The following FBXL7 variants were observed in gnomAD, a reference collection of about 807,000 sequenced individuals.
The protein encoded by FBXL7 is F-box/LRR-repeat protein 7.
Under a neutral mutation model 38.3 loss-of-function variants are expected in FBXL7, and 12 were observed. The observed-to-expected ratio is 0.31, with a 90% CI of 0.20 to 0.51. FBXL7 has a LOEUF of 0.51. FBXL7 is among the 20% of genes least tolerant of loss of function. The probability of loss-of-function intolerance (pLI) is 0.98; values close to 1 mark genes in which losing one functional copy is unlikely to be tolerated. For synonymous variants in FBXL7, 297 were observed against 300.9 expected (o/e 0.99, Z 0.13); for missense variants, 567 against 676.4 (o/e 0.84, Z 1.79).
Position 15,628,282 on chromosome 5 carries a change from T to C in FBXL7, c.127+12210T>C, listed in dbSNP as rs558626504. 3.3e-5 allele frequency among the ~76,000 whole-genome samples: 5 copies of C among 152,268 alleles called. No homozygotes were observed. In the East Asian group the frequency reaches 9.6e-4, roughly 29 times the overall value. ...GATGTGGGCTATAGAAAACCAGATT[T>C]CTCTGCCCAGAAGAGAGATTCTGAG... On this transcript the variant is annotated intron_variant, in intron 2 of 3. Transcript: ENST00000504595.
chr5:15,796,545 G>T (rs1184605433), intron 2 of FBXL7, among the ~76,000 whole-genome samples: 1 of 152,150 alleles, frequency 6.6e-6, no homozygotes, highest in Non-Finnish European at 1.5e-5. Flanking sequence ...ATCAGTTCCT[G>T]ATCCAAACTT....
At chr5:15,560,436 C>T (rs1041805626) in intron 1 of FBXL7, among the ~76,000 whole-genome samples, 18 of 152,136 alleles carry the variant, frequency 1.2e-4, no homozygotes, top group African/African-American at 4.3e-4. Context: ...AGGAAGCATT[C>T]AGAACTACAA....
chr5:15,819,761 G>A (rs1738121860), intron 2 of FBXL7, among the ~76,000 whole-genome samples: 1 of 152,170 alleles, frequency 6.6e-6, no homozygotes, highest in African/African-American at 2.4e-5. Context: ...GGACACACCT[G>A]TGGCCACCAG....
At chr5:15,851,104 C>G (rs1385901358) in intron 2 of FBXL7, among the ~76,000 whole-genome samples, 1 of 152,166 alleles carries the variant, frequency 6.6e-6, no homozygotes, top group Non-Finnish European at 1.5e-5. Context: ...AGCTATTATA[C>G]ATGTAATCAG....
chr5:15,691,515 G>A (rs1250250265), intron 2 of FBXL7, among the ~76,000 whole-genome samples: 1 of 152,132 alleles, frequency 6.6e-6, no homozygotes, highest in African/African-American at 2.4e-5. Flanking sequence ...TTTCTCTGAT[G>A]GGTTTTCCTG....
chr5:15,651,609 T>A (rs1290730500), intron 2 of FBXL7, among the ~76,000 whole-genome samples: 1 of 152,190 alleles, frequency 6.6e-6, no homozygotes, highest in Non-Finnish European at 1.5e-5. Context: ...GTTAAAATAT[T>A]CAGTAAACTA....
At chr5:15,568,941 T>C (rs1050976263) in intron 1 of FBXL7, among the ~76,000 whole-genome samples, 1 of 152,208 alleles carries the variant, frequency 6.6e-6, no homozygotes, top group Admixed American at 6.5e-5. Flanking sequence ...TCTGTTCCAT[T>C]GGTCTATATC....
In FBXL7 at chr5:15,933,776, C is replaced by T. The variant is rs148159095; in HGVS notation, c.740-2674C>T. On this transcript the variant is annotated intron_variant, in intron 3 of 3. Transcript: ENST00000504595. ...TACCAGGAGGTGGGAGGAAGGTCCT[C>T]GTTAGCACTTTTGTGAGGCTGCTGG... 8.2e-3 allele frequency among the ~76,000 whole-genome samples: 1,253 copies of T among 152,190 alleles called. 18 individuals are homozygous for T. Among genetic ancestry groups the T allele is most frequent in the African/African-American group, 0.026 (1,088 of 41,534 alleles).
At chr5:15,692,076 G>A (rs779454188) in intron 2 of FBXL7, among the ~76,000 whole-genome samples, 3 of 152,130 alleles carry the variant, frequency 2.0e-5, no homozygotes, top group Non-Finnish European at 4.4e-5. Context: ...TGAGAGCCAG[G>A]GCCAGAGAAT....
intron 1 of FBXL7, among the ~76,000 whole-genome samples, chr5:15,522,100 G>A (rs1216313985): frequency 2.0e-5 from 3 of 152,160 alleles, no homozygotes; most frequent in Admixed American, 2.0e-4. Flanking sequence ...CTAAATGAGG[G>A]CTTTTGTGAA....
chr5:15,875,565 C>CA (rs1561167045), intron 2 of FBXL7, among the ~76,000 whole-genome samples: 3 of 151,920 alleles, frequency 2.0e-5, no homozygotes, highest in African/African-American at 4.8e-5. Flanking sequence ...AAGAAAAAAA[C>CA]AAAAAACCCC....
intron 2 of FBXL7, among the ~76,000 whole-genome samples, chr5:15,881,897 G>A (rs567353414): frequency 6.6e-6 from 1 of 152,264 alleles, no homozygotes; most frequent in East Asian, 1.9e-4. Flanking sequence ...TTGGCTCATG[G>A]TTCTTCAGGC....
intron 2 of FBXL7, among the ~76,000 whole-genome samples, chr5:15,913,432 A>T (rs914745121): frequency 6.6e-6 from 1 of 152,150 alleles, no homozygotes; most frequent in Non-Finnish European, 1.5e-5. Context: ...AAAGTGTTCT[A>T]ATTACTTATT....
rs539147729 is a variant in FBXL7 at position 15,926,902 on chromosome 5, A to G, written c.128-988A>G. On this transcript the variant is annotated intron_variant, in intron 2 of 3. Coordinates refer to ENST00000504595, the MANE Select transcript of FBXL7 (RefSeq NM_012304.5). Reference sequence around the variant, plus strand: ...AAGGCAGCAGGTGTCCTCTGCGCCTACTCACTACTCTTCCTGTCTTCTGAA... The same window carrying G: ...AAGGCAGCAGGTGTCCTCTGCGCCTGCTCACTACTCTTCCTGTCTTCTGAA... Among the ~76,000 whole-genome samples, 3 of 151,974 alleles carry G rather than the reference A, an allele frequency of 2.0e-5. No individual in the cohort carries two copies. The South Asian group carries it at 6.3e-4, about 32-fold the overall frequency.
chr5:15,721,948 CCTCAG>C, intron 2 of FBXL7, among the ~76,000 whole-genome samples: 1 of 152,300 alleles, frequency 6.6e-6, no homozygotes, highest in South Asian at 2.1e-4. Context: ...AATTCTCCTG[CCTCAG>C]CCTCCTGAGT....
intron 2 of FBXL7, among the ~76,000 whole-genome samples, chr5:15,820,281 T>G (rs1002474560): frequency 6.6e-6 from 1 of 151,812 alleles, no homozygotes. Context: ...TTCTTGTCTG[T>G]GTGTGTCCTC....
chr5:15,702,897 A>C (rs1441644284), intron 2 of FBXL7, among the ~76,000 whole-genome samples: 4 of 151,958 alleles, frequency 2.6e-5, no homozygotes, highest in African/African-American at 4.8e-5. Context: ...GTAAAGGAAA[A>C]TTACAGTCAA....
chr5:15,651,668 CACAG>C (rs1323483433), intron 2 of FBXL7, among the ~76,000 whole-genome samples: 5 of 152,302 alleles, frequency 3.3e-5, no homozygotes, highest in South Asian at 2.1e-4. Flanking sequence ...ATTTCTAGAG[CACAG>C]ACAGAGTAAA....
chr5:15,899,005 C>T (rs546460058), intron 2 of FBXL7, among the ~76,000 whole-genome samples: 70 of 151,932 alleles, frequency 4.6e-4, no homozygotes, highest in Admixed American at 2.8e-3. Context: ...GATATGTATA[C>T]ACACATTCTA....
Sources: allele counts gnomAD v4.1 joint callset (sites outside exome capture counted in the v4.1 genomes callset), GRCh38; gene constraint gnomAD v4.1.1; transcripts MANE v1.5; gene names NCBI Gene and HGNC (gene_info 2026-07-23, HGNC 2026-07-21).